The following NXPH2 variants were observed in gnomAD, a reference collection of about 807,000 sequenced individuals.
NXPH2 encodes neurexophilin-2.
Under a neutral mutation model 19.8 loss-of-function variants are expected in NXPH2, and 5 were observed. The ratio of observed to expected loss-of-function variants is 0.25; its 90% confidence interval spans 0.13 to 0.53. NXPH2 has a LOEUF of 0.53. Among genes scored for constraint, NXPH2 ranks in the 20% least tolerant of loss-of-function variants. NXPH2 has a pLI of 0.96. For missense variants in NXPH2, 289 were observed against 322.8 expected (o/e 0.90, Z 0.80); for synonymous variants, 154 against 127.4 (o/e 1.21, Z -1.41).
intron 1 of NXPH2, among the ~76,000 whole-genome samples, chr2:138,734,998 G>A (rs760546058): frequency 5.4e-4 from 82 of 152,270 alleles, no homozygotes; most frequent in Middle Eastern, 6.8e-3. Flanking sequence ...TGTTAATCTG[G>A]GGTGTGACCA....
At chr2:138,703,097 C>T (rs1680954588) in intron 1 of NXPH2, among the ~76,000 whole-genome samples, 1 of 145,854 alleles carries the variant, frequency 6.9e-6, no homozygotes, top group Non-Finnish European at 1.6e-5. Flanking sequence ...AACCCAGGAA[C>T]TTAAAGTCCA....
intron 1 of NXPH2, among the ~76,000 whole-genome samples, chr2:138,774,111 A>T (rs80140033): frequency 6.6e-6 from 1 of 152,240 alleles, no homozygotes; most frequent in Non-Finnish European, 1.5e-5. Context: ...GATGAAGAAC[A>T]GTATTAATCT....
chr2:138,672,854 G>A (rs1204397754), intron 1 of NXPH2, among the ~76,000 whole-genome samples: 5 of 152,158 alleles, frequency 3.3e-5, no homozygotes, highest in Admixed American at 3.3e-4. Flanking sequence ...AATGAGAGAC[G>A]TAGCCTGGAT....
chr2:138,729,120 CCTT>C (rs10610095), intron 1 of NXPH2, among the ~76,000 whole-genome samples: 22,771 of 152,082 alleles, frequency 0.15, 2,101 homozygotes, highest in African/African-American at 0.25. Flanking sequence ...CCCACTGTCT[CCTT>C]CTCCTCAACA....
intron 1 of NXPH2, among the ~76,000 whole-genome samples, chr2:138,739,793 T>C (rs1681614741): frequency 6.6e-6 from 1 of 152,144 alleles, no homozygotes; most frequent in Non-Finnish European, 1.5e-5. Flanking sequence ...AAGGTCTGTA[T>C]GGTTTATTTC....
At chr2:138,754,295 A>G (rs1681867946) in intron 1 of NXPH2, among the ~76,000 whole-genome samples, 1 of 152,174 alleles carries the variant, frequency 6.6e-6, no homozygotes, top group South Asian at 2.1e-4. Context: ...TATCATATAG[A>G]ATAGTTTCAC....
intron 1 of NXPH2, among the ~76,000 whole-genome samples, chr2:138,750,120 C>G (rs369833987): frequency 2.0e-5 from 3 of 152,236 alleles, no homozygotes; most frequent in South Asian, 4.1e-4. Flanking sequence ...TGACAGGAGG[C>G]TTCTATAGGA....
At chr2:138,680,607 C>CTA (rs919082307) in intron 1 of NXPH2, among the ~76,000 whole-genome samples, 40 of 151,708 alleles carry the variant, frequency 2.6e-4, no homozygotes, top group African/African-American at 3.9e-4. Context: ...CTCTCTCTCT[C>CTA]TATATATATA....
At chr2:138,720,535 T>G (rs1681263803) in intron 1 of NXPH2, among the ~76,000 whole-genome samples, 1 of 152,204 alleles carries the variant, frequency 6.6e-6, no homozygotes, top group Non-Finnish European at 1.5e-5. Context: ...ATAAATTAAA[T>G]CTATTTATGT....
chr2:138,757,270 G>A (rs1005085083), intron 1 of NXPH2, among the ~76,000 whole-genome samples: 12 of 152,274 alleles, frequency 7.9e-5, no homozygotes, highest in African/African-American at 2.4e-4. Context: ...CTTCTATGCT[G>A]GGTTAGATGG....
rs1471330637 is a variant in NXPH2, at chr2:138,671,236, C to A, written c.481G>T (p.Val161Leu). The A allele has an allele frequency of 6.2e-7, 1 of 1,613,738 alleles. No homozygotes were observed. The change falls in exon 2 of 2, where the codon GTA (valine) becomes TTA (leucine). Residue 161 changes from valine (V) to leucine (L), a missense_variant. Transcript: ENST00000272641. ...TGLGNVSVSL[V>L]PPSKVVEFEV... The stretch of plus-strand genomic sequence containing the variant: ...AATTCCACCACCTTGGAGGGTGGTA[C>A]CAAGCTCACTGAAACATTGCCCAGG...
chr2:138,681,576 A>C (rs906015937), intron 1 of NXPH2, among the ~76,000 whole-genome samples: 1 of 152,234 alleles, frequency 6.6e-6, no homozygotes, highest in African/African-American at 2.4e-5. Flanking sequence ...TCTACTTATC[A>C]AAGAAGAAAA....
chr2:138,689,976 G>A (rs995331722), intron 1 of NXPH2, among the ~76,000 whole-genome samples: 1 of 152,162 alleles, frequency 6.6e-6, no homozygotes, highest in Non-Finnish European at 1.5e-5. Context: ...GGAGGAAGTG[G>A]TCAGAAAGTA....
intron 1 of NXPH2, among the ~76,000 whole-genome samples, chr2:138,707,159 A>G (rs980228548): frequency 6.9e-5 from 10 of 144,276 alleles, no homozygotes; most frequent in South Asian, 4.7e-4. Flanking sequence ...AGATGATTCA[A>G]TATGGGTGAG....
chr2:138,717,135 A>G (rs1681207155), intron 1 of NXPH2, among the ~76,000 whole-genome samples: 3 of 152,198 alleles, frequency 2.0e-5, no homozygotes, highest in Non-Finnish European at 4.4e-5. Flanking sequence ...TGTAAAAAAG[A>G]AGGAAGGAGC....
chr2:138,715,005 A>G lies in NXPH2; in HGVS notation c.52-43340T>C, dbSNP rs374417731. 8.5e-5 allele frequency among the ~76,000 whole-genome samples: 13 copies of G among 152,336 alleles called. No individual in the cohort carries two copies. In the East Asian group the frequency reaches 2.5e-3, roughly 29 times the overall value. ...ATCAATGGGAAAGTGGAAAAGTAAA[A>G]CTTAGAAGTGAAATTTGAAGCAAAA... On this transcript the variant is annotated intron_variant, in intron 1 of 1. Coordinates refer to ENST00000272641, the MANE Select transcript of NXPH2 (RefSeq NM_007226.3).
At chr2:138,762,428 A>T (rs1005652706) in intron 1 of NXPH2, among the ~76,000 whole-genome samples, 3 of 152,224 alleles carry the variant, frequency 2.0e-5, no homozygotes, top group African/African-American at 7.2e-5. Context: ...CAGGCATTTC[A>T]TTTAATAATA....
intron 1 of NXPH2, among the ~76,000 whole-genome samples, chr2:138,749,201 T>C (rs114804455): frequency 0.012 from 1,872 of 152,254 alleles, 20 homozygotes; most frequent in Middle Eastern, 0.051. Context: ...AAGTTCCTCC[T>C]TTGCTCACTC....
In NXPH2 at chr2:138,745,502, G is replaced by C. The variant is rs560190246; in HGVS notation, c.51+34689C>G. ...TTTCTTCTTTTTTTGGCGGGGGGGG[G>C]GGGGTGTTGTTTGCATGTTTTTCTT... On this transcript the variant is annotated intron_variant, in intron 1 of 1. Coordinates refer to ENST00000272641, the MANE Select transcript of NXPH2 (RefSeq NM_007226.3). Among the ~76,000 whole-genome samples the C allele has an allele frequency of 1.3e-4, 19 of 147,616 alleles. 1 individual carries two copies. The East Asian group carries it at 2.8e-3, about 22-fold the overall frequency.
Sources: allele counts gnomAD v4.1 joint callset (sites outside exome capture counted in the v4.1 genomes callset), GRCh38; gene constraint gnomAD v4.1.1; transcripts MANE v1.5; gene names NCBI Gene and HGNC (gene_info 2026-07-23, HGNC 2026-07-21).